The following UGT2B4 variants were observed in gnomAD, a reference collection of about 807,000 sequenced individuals.
UGT2B4 encodes UDP glucuronosyltransferase family 2 member B4.
A neutral mutation model predicts 49.8 loss-of-function variants in UGT2B4; 49 were observed. The observed-to-expected ratio is 0.98, with a 90% CI of 0.78 to 1.25. UGT2B4 has a LOEUF of 1.25. Among genes scored for constraint, UGT2B4 ranks in the 50% most tolerant of loss-of-function variants. UGT2B4 has a pLI of 0.00. For missense variants in UGT2B4, 729 were observed against 627.7 expected (o/e 1.16, Z -1.73); for synonymous variants, 246 against 217.7 (o/e 1.13, Z -1.14).
At chr4:69,507,215 C>A (rs1728496347) in intron 1 of UGT2B4, among the ~76,000 whole-genome samples, 1 of 152,200 alleles carries the variant, frequency 6.6e-6, no homozygotes. Context: ...ATTGGAAGTT[C>A]TGGTCAGGGC....
chr4:69,482,597 T>G (rs185572383), intron 5 of UGT2B4, among the ~76,000 whole-genome samples: 3 of 152,206 alleles, frequency 2.0e-5, no homozygotes, highest in Admixed American at 1.3e-4. Flanking sequence ...AATTATGTAA[T>G]ATATACTCCT....
At chr4:69,498,437 C>G (rs1019890542), upstream of UGT2B4, among the ~76,000 whole-genome samples, 2 of 151,094 alleles carry the variant, frequency 1.3e-5, no homozygotes, top group Non-Finnish European at 2.9e-5. Context: ...TGGGACTAAT[C>G]AAGGAAGCAA....
At chr4:69,516,766 C>T (rs750031321) in intron 1 of UGT2B4, among the ~76,000 whole-genome samples, 6 of 151,972 alleles carry the variant, frequency 3.9e-5, no homozygotes, top group Admixed American at 6.6e-5. Context: ...CACCACCACG[C>T]CTGGCTAATT....
intron 5 of UGT2B4, among the ~76,000 whole-genome samples, chr4:69,481,125 C>G (rs1727578765): frequency 8.5e-6 from 1 of 117,378 alleles, no homozygotes; most frequent in African/African-American, 3.0e-5. Flanking sequence ...AAAGATTACC[C>G]AGGCGTGGTG....
chr4:69,515,094 A>G (rs929701301), intron 1 of UGT2B4, among the ~76,000 whole-genome samples: 1 of 152,176 alleles, frequency 6.6e-6, no homozygotes, highest in Non-Finnish European at 1.5e-5. Flanking sequence ...ACACCCTACT[A>G]ACAGTATTAG....
intron 1 of UGT2B4, among the ~76,000 whole-genome samples, chr4:69,504,579 C>A (rs183247886): frequency 9.9e-5 from 15 of 152,102 alleles, no homozygotes; most frequent in Non-Finnish European, 1.5e-4. Flanking sequence ...ATGAATGAAA[C>A]CTCCAAAAAA....
rs923218420 is a variant in UGT2B4 at position 69,495,795 on chromosome 4, A to C, written c.67T>G (p.Cys23Gly). The change falls in exon 1 of 6, where the codon TGT becomes GGT. Residue 23 changes from cysteine to glycine, a missense_variant. By Grantham distance (159) the Cys-to-Gly change is radical. Coordinates refer to ENST00000305107, the MANE Select transcript of UGT2B4 (RefSeq NM_021139.3). ...QLSCYFSSGS[C>G]GKVLVWPTEF... Reference sequence around the variant, plus strand: ...GTGGGCCACACCAGCACCTTTCCACAACTCCCAGAGCTAAAGTAACAGCTC... The same window carrying C: ...GTGGGCCACACCAGCACCTTTCCACCACTCCCAGAGCTAAAGTAACAGCTC... 4 of 1,613,594 alleles carry C rather than the reference A, an allele frequency of 2.5e-6. No individual in the cohort carries two copies. The highest frequency in any genetic ancestry group is 3.4e-6 in the Non-Finnish European group (4 of 1,179,828).
intron 1 of UGT2B4, among the ~76,000 whole-genome samples, chr4:69,515,222 C>T (rs985242526): frequency 6.6e-6 from 1 of 152,178 alleles, no homozygotes; most frequent in Non-Finnish European, 1.5e-5. Context: ...AATATACATT[C>T]TTATCACCAC....
intron 1 of UGT2B4, among the ~76,000 whole-genome samples, chr4:69,508,114 T>C (rs1274034428): frequency 1.3e-5 from 2 of 152,164 alleles, no homozygotes; most frequent in East Asian, 1.9e-4. Context: ...TCACTGATTA[T>C]TAGACAAATG....
chr4:69,518,382 C>A (rs1728780608), intron 1 of UGT2B4: 1 of 152,200 alleles, frequency 6.6e-6, no homozygotes. Flanking sequence ...ATTGTGAAAA[C>A]CCACTTCTCA....
chr4:69,485,488 G>A, intron 4 of UGT2B4, 61 bp from the exon 5 acceptor site: 3 of 1,593,706 alleles, frequency 1.9e-6, no homozygotes, highest in Non-Finnish European at 2.6e-6. Context: ...ATGCACAATG[G>A]AAGAATCTGA....
intron 1 of UGT2B4, among the ~76,000 whole-genome samples, chr4:69,524,504 C>G (rs1025798215): frequency 5.9e-5 from 9 of 151,602 alleles, no homozygotes; most frequent in Non-Finnish European, 1.2e-4. Context: ...GTGACACCCA[C>G]AAACAATTAC....
At chr4:69,485,183 C>T (rs777002487) in intron 5 of UGT2B4, 25 bp downstream of exon 5, 12 of 1,612,222 alleles carry the variant, frequency 7.4e-6, no homozygotes, top group East Asian at 2.2e-5. Context: ...TAAAGACCAC[C>T]GAGTAAAAAA....
upstream of UGT2B4, among the ~76,000 whole-genome samples, chr4:69,497,569 T>C (rs1054641315): frequency 1.3e-5 from 2 of 152,154 alleles, no homozygotes; most frequent in Non-Finnish European, 2.9e-5. Flanking sequence ...AATAGAAAGA[T>C]AACTCAAATT....
At chr4:69,491,133 A>C (rs1727973399) in intron 2 of UGT2B4, among the ~76,000 whole-genome samples, 1 of 152,030 alleles carries the variant, frequency 6.6e-6, no homozygotes, top group Non-Finnish European at 1.5e-5. Context: ...TTCAATGTAC[A>C]CTTGTGACGT....
upstream of UGT2B4, among the ~76,000 whole-genome samples, chr4:69,500,669 G>GA (rs1194966473): frequency 3.7e-5 from 4 of 107,054 alleles, no homozygotes; most frequent in African/African-American, 1.1e-4. Flanking sequence ...AAGAAAGAAA[G>GA]GAAGGAAAGA....
intron 1 of UGT2B4, among the ~76,000 whole-genome samples, chr4:69,525,448 A>C (rs1380003506): frequency 1.3e-5 from 2 of 152,216 alleles, no homozygotes; most frequent in Non-Finnish European, 1.5e-5. Flanking sequence ...GTATGATACC[A>C]AACATGAATG....
intron 1 of UGT2B4, among the ~76,000 whole-genome samples, chr4:69,520,165 T>C (rs1728815300): frequency 6.6e-6 from 1 of 152,040 alleles, no homozygotes. Context: ...CACACACATA[T>C]GTATCACAAT....
Position 69,495,388 on chromosome 4 carries a change from C to G in UGT2B4, c.474G>C (p.Glu158Asp). 6.2e-7 allele frequency: 1 copy of G among 1,613,960 alleles called. No homozygotes were observed. The highest frequency in any genetic ancestry group is 8.5e-7 in the Non-Finnish European group (1 of 1,179,946). ...VLADAVFPFG[E>D]LLAELLKIPF... ...GTATTTTAAGTAACTCGGCCAGCAG[C>G]TCACCAAAGGGGAAAACAGCATCTG... Residue 158 changes from glutamate (E) to aspartate (D), a missense_variant, in exon 1 of 6, where the codon GAG becomes GAC. Glu to Asp is a conservative substitution (Grantham distance 45). Transcript: ENST00000305107.
Sources: allele counts gnomAD v4.1 joint callset (sites outside exome capture counted in the v4.1 genomes callset), GRCh38; gene constraint gnomAD v4.1.1; transcripts MANE v1.5; gene names NCBI Gene and HGNC (gene_info 2026-07-23, HGNC 2026-07-21).